The following KIN variants were observed in gnomAD, a reference collection of about 807,000 sequenced individuals.
KIN encodes DNA/RNA-binding protein KIN17.
A neutral mutation model predicts 63.0 loss-of-function variants in KIN; 47 were observed. The observed-to-expected ratio is 0.75, with a 90% CI of 0.59 to 0.95. The LOEUF is 0.95. Ranked by LOEUF, KIN falls within the 40% of genes least tolerant of loss-of-function variation. KIN has a pLI of 0.00. For missense variants in KIN, 408 were observed against 460.9 expected (o/e 0.89, Z 1.05); for synonymous variants, 160 against 157.7 (o/e 1.01, Z -0.11).
At chr10:7,787,788 T>A in intron 1 of KIN, 32 bp downstream of exon 1, 3 of 1,531,668 alleles carry the variant, frequency 2.0e-6, no homozygotes, top group Non-Finnish European at 2.7e-6. Flanking sequence ...GGGGCCCTCC[T>A]GGGAAGACGG....
At chr10:7,765,332 T>C (rs1346777418) in intron 9 of KIN, among the ~76,000 whole-genome samples, 1 of 151,958 alleles carries the variant, frequency 6.6e-6, no homozygotes, top group Non-Finnish European at 1.5e-5. Context: ...TAGTGGTGCA[T>C]GCTTGTAGTC....
intron 7 of KIN, among the ~76,000 whole-genome samples, chr10:7,774,531 C>G (rs889354871): frequency 6.6e-6 from 1 of 151,912 alleles, no homozygotes; most frequent in African/African-American, 2.4e-5. Context: ...AGGAAAAGAA[C>G]AGTTGCTAGC....
chr10:7,765,159 C>CT (rs1835517181), intron 9 of KIN, among the ~76,000 whole-genome samples: 2 of 93,304 alleles, frequency 2.1e-5, no homozygotes, highest in South Asian at 9.3e-4. Flanking sequence ...AACTCCATCT[C>CT]AAAAAAAAAA....
rs562860965 is a variant in KIN at position 7,752,635 on chromosome 10, T to C, written c.*3445A>G. The C allele has an allele frequency of 6.6e-6, 1 of 152,372 alleles. No individual in the cohort carries two copies. Among genetic ancestry groups the C allele is most frequent in the South Asian group, 2.1e-4 (1 of 4,828 alleles). The allele number at this position is 152,372 out of a possible 1,614,324, so 9.4% of individuals were successfully genotyped here. A position where few individuals can be genotyped will look rare whatever the true frequency, so the allele number is the denominator to read the frequency against. ...GCACAGATGTTTGTAGCAGCTTTACTCATAATTTCCAAACCTTGTAAGCAA... is the reference window on the plus strand; with the variant it reads ...GCACAGATGTTTGTAGCAGCTTTACCCATAATTTCCAAACCTTGTAAGCAA... On this transcript the variant is annotated 3_prime_UTR_variant, in exon 13 of 13. Transcript: ENST00000379562.
intron 9 of KIN, among the ~76,000 whole-genome samples, chr10:7,765,143 G>A (rs1835516244): frequency 7.9e-6 from 1 of 126,582 alleles, no homozygotes. Context: ...TGGGCAATGA[G>A]AGCAAAACTC....
chr10:7,775,674 T>C (rs1588481957), intron 6 of KIN, 77 bp downstream of exon 6: 2 of 715,114 alleles, frequency 2.8e-6, no homozygotes, highest in East Asian at 5.7e-5. Flanking sequence ...TCAGATATGT[T>C]GACAAGTTGC....
rs923347231 is a variant in KIN, at chr10:7,756,000, A to C, written c.*80T>G. ...TTTATACAAAAGAATATACCCTAAC[A>C]CAGTAGAGTCTCATAATGCCTTGGC... On this transcript the variant is annotated 3_prime_UTR_variant, in exon 13 of 13. Coordinates refer to ENST00000379562, the MANE Select transcript of KIN (RefSeq NM_012311.4). 1.3e-6 allele frequency: 1 copy of C among 781,362 alleles called. No individual in the cohort carries two copies. Among genetic ancestry groups the C allele is most frequent in the African/African-American group, 1.7e-5 (1 of 57,430 alleles). The allele number at this position is 781,362 out of a possible 1,614,324, so 48.4% of individuals were successfully genotyped here. A position where few individuals can be genotyped will look rare whatever the true frequency, so the allele number is the denominator to read the frequency against.
chr10:7,775,742 T>C lies in KIN; in HGVS notation c.607+9A>G. 2.0e-6 allele frequency: 3 copies of C among 1,469,896 alleles called. No individual in the cohort carries two copies. The highest frequency in any genetic ancestry group is 4.4e-5 in the Admixed American group (2 of 45,674). The allele number at this position is 1,469,896 out of a possible 1,614,324, so 91.1% of individuals were successfully genotyped here. ...GTTTAAAAAAAGAAAAAATAAAAAA[T>C]AAAACTACCTTTCTCTTCATCATTT... On this transcript the variant is annotated intron_variant, in intron 6 of 12. Coordinates refer to ENST00000379562, the MANE Select transcript of KIN (RefSeq NM_012311.4).
rs1835288187 is a variant in KIN at position 7,754,249 on chromosome 10, GACCTAAGCCC to G, written c.*1821_*1830del. The G allele has an allele frequency of 5.4e-6, 2 of 367,596 alleles. No individual in the cohort carries two copies. Among genetic ancestry groups the G allele is most frequent in the South Asian group, 4.0e-5 (2 of 49,534 alleles). The allele number at this position is 367,596 out of a possible 1,614,324, so 22.8% of individuals were successfully genotyped here. ...GGGAGGCTGAGGTGGGAGAATCAAT[GACCTAAGCCC>G]AGGAGGACGAGGCTGCAGTGAGCCA... On this transcript the variant is annotated 3_prime_UTR_variant, in exon 13 of 13. Coordinates refer to ENST00000379562, the MANE Select transcript of KIN (RefSeq NM_012311.4).
chr10:7,787,961 G>C lies in KIN; in HGVS notation c.-28C>G, dbSNP rs374796717. 2 of 1,545,524 alleles carry C rather than the reference G, an allele frequency of 1.3e-6. No individual in the cohort carries two copies. The highest frequency in any genetic ancestry group is 8.9e-7 in the Non-Finnish European group (1 of 1,117,594). On this transcript the variant is annotated 5_prime_UTR_variant, in exon 1 of 13. Coordinates refer to ENST00000379562, the MANE Select transcript of KIN (RefSeq NM_012311.4). ...CGACCACGGCAGCGATCACTTTCTG[G>C]ACCCCAGTACTCAGCCAGCCGGAAA...
Position 7,756,127 on chromosome 10 carries a change from G to A in KIN, c.1135C>T (p.Arg379Cys), listed in dbSNP as rs772662628. 37 of 1,584,580 alleles carry A rather than the reference G, an allele frequency of 2.3e-5. No homozygotes were observed. The highest frequency in any genetic ancestry group is 8.3e-5 in the South Asian group (7 of 84,826). ...TCATATTGAATTCCTTCAACTCTGC[G>A]TCCTTTTAAAGGGCCCTACAAATTA... ...IVIETGPLKG[R>C]RVEGIQYEDI... is the part of the protein sequence containing the mutation. The change falls in exon 13 of 13, where the codon CGC (arginine) becomes TGC (cysteine). Residue 379 changes from arginine (R) to cysteine (C), a missense_variant. This residue lies in a region of KIN where 298 missense variants were observed against 296.0 expected (regional missense o/e 1.01). Coordinates refer to ENST00000379562, the MANE Select transcript of KIN (RefSeq NM_012311.4).
intron 2 of KIN, among the ~76,000 whole-genome samples, chr10:7,782,849 A>G (rs1302861459): frequency 2.0e-5 from 3 of 152,236 alleles, no homozygotes; most frequent in African/African-American, 7.2e-5. Flanking sequence ...TTAGAATGAA[A>G]GACAGTTTTG....
intron 1 of KIN, among the ~76,000 whole-genome samples, chr10:7,785,269 T>A (rs972809239): frequency 3.5e-5 from 5 of 142,030 alleles, no homozygotes; most frequent in African/African-American, 1.1e-4. Flanking sequence ...AAAAAAAAAA[T>A]CATATTCCTC....
At chr10:7,756,446 G>A (rs947914945) in intron 12 of KIN, among the ~76,000 whole-genome samples, 4 of 152,162 alleles carry the variant, frequency 2.6e-5, no homozygotes, top group African/African-American at 9.7e-5. Context: ...GCTCCCTTGT[G>A]GTTAGCTGTG....
chr10:7,785,785 G>A (rs1364590405), intron 1 of KIN, among the ~76,000 whole-genome samples: 2 of 150,094 alleles, frequency 1.3e-5, no homozygotes, highest in African/African-American at 4.9e-5. Flanking sequence ...CTGCACTCCA[G>A]CCTGTGAGAC....
intron 11 of KIN, among the ~76,000 whole-genome samples, chr10:7,760,853 T>C (rs982595274): frequency 6.6e-6 from 1 of 152,196 alleles, no homozygotes; most frequent in African/African-American, 2.4e-5. Flanking sequence ...GGGGGAATAC[T>C]GCATATCCAT....
At chr10:7,762,378 C>A in intron 11 of KIN, 79 bp downstream of exon 11, 1 of 723,244 alleles carries the variant, frequency 1.4e-6, no homozygotes, top group Non-Finnish European at 2.3e-6. Flanking sequence ...CCAACAAGTA[C>A]TGTCAAAATA....
At chr10:7,774,704 C>T in intron 7 of KIN, 127 bp downstream of exon 7, 1 of 741,502 alleles carries the variant, frequency 1.3e-6, no homozygotes, top group Non-Finnish European at 2.2e-6. Flanking sequence ...ACAACGCAAC[C>T]AATAAAAACC....
intron 9 of KIN, among the ~76,000 whole-genome samples, chr10:7,764,155 C>T (rs546922780): frequency 3.2e-4 from 48 of 152,244 alleles, no homozygotes; most frequent in African/African-American, 1.1e-3. Flanking sequence ...AAGTGAAAAG[C>T]GCTGAGTTGT....
Sources: gnomAD v4.1 joint callset for allele counts (sites outside exome capture counted in the v4.1 genomes callset) on GRCh38, gnomAD v4.1.1 for gene constraint, gnomAD v4.1.1 regional missense constraint, MANE v1.5 for transcripts, NCBI Gene and HGNC (gene_info 2026-07-23, HGNC 2026-07-21) for gene names.